The following VWF variants were observed in gnomAD, a reference collection of about 807,000 sequenced individuals.
VWF encodes the protein Factor VIII related antigen.
VWF carries 176 observed loss-of-function variants against 308.6 expected under a neutral mutation model. The ratio of observed to expected loss-of-function variants is 0.57; its 90% CI spans 0.50 to 0.65. VWF has a LOEUF of 0.65. Among genes scored for constraint, VWF ranks in the 30% least tolerant of loss-of-function variants. VWF has a pLI of 0.00. For synonymous variants in VWF, 1,385 were observed against 1,443.4 expected (o/e 0.96, Z 0.92); for missense variants, 3,146 against 3,648.2 (o/e 0.86, Z 3.55).
Position 6,019,773 on chromosome 12 carries a change from G to C in VWF, c.3675-30C>G. ...AGAAAAGAGCGAAGAAATTAAAATGGTTCAGGAAGAACCTGTGGACACTTC... is the reference window on the plus strand; with the variant it reads ...AGAAAAGAGCGAAGAAATTAAAATGCTTCAGGAAGAACCTGTGGACACTTC... On this transcript the variant is annotated intron_variant, in intron 27 of 51. Coordinates refer to ENST00000261405, the MANE Select transcript of VWF (RefSeq NM_000552.5). This position sits in a 1 kb window ranked among gnomAD's most constrained non-coding sequence, Gnocchi z 5.8. 1.3e-6 allele frequency: 2 copies of C among 1,589,124 alleles called. No individual in the cohort carries two copies. The highest frequency in any genetic ancestry group is 2.3e-5 in the South Asian group (2 of 88,366).
At position 5,983,207 on chromosome 12, in the gene VWF, G is replaced by A. The variant is rs142612858; in HGVS notation, c.7024C>T (p.Arg2342Cys). The A allele has an allele frequency of 1.3e-5, 21 of 1,613,988 alleles. No homozygotes were observed. The highest frequency in any genetic ancestry group is 4.5e-5 in the East Asian group (2 of 44,902). ...CDLPPVPHCERGLQPTLTNPG... is the reference protein window; with the variant it reads ...CDLPPVPHCECGLQPTLTNPG... ...TTGGTCAGTGTGGGCTGGAGGCCACGTTCACAGTGAGGCACTGGGGGCAGG... is the reference window on the plus strand; with the variant it reads ...TTGGTCAGTGTGGGCTGGAGGCCACATTCACAGTGAGGCACTGGGGGCAGG... The change falls in exon 41 of 52, where the codon CGT (arginine) becomes TGT (cysteine). Residue 2342 changes from arginine to cysteine, a missense_variant. Around this residue, in one of 3 missense-constraint regions of VWF, gnomAD observed 989 missense variants for 1,117.4 expected, o/e 0.89. Transcript: ENST00000261405.
At position 6,060,415 on chromosome 12, in the gene VWF, T is replaced by C. The variant is rs561772422; in HGVS notation, c.1534-2371A>G. Among the ~76,000 whole-genome samples the C allele has an allele frequency of 2.0e-5, 3 of 152,032 alleles. No homozygotes were observed. In the East Asian group the frequency reaches 5.9e-4, roughly 30 times the overall value. On this transcript the variant is annotated intron_variant, in intron 13 of 51. Coordinates refer to ENST00000261405, the MANE Select transcript of VWF (RefSeq NM_000552.5). This position sits in a 1 kb window ranked among gnomAD's most constrained non-coding sequence, Gnocchi z 5.1. Reference sequence around the variant, plus strand: ...TAGCTGCACCTCCTCTTGCACCGCCTCTGCCCCAGCTGGCCTCCCTCCAGC... The same window carrying C: ...TAGCTGCACCTCCTCTTGCACCGCCCCTGCCCCAGCTGGCCTCCCTCCAGC...
At chr12:6,112,728 C>A (rs1466744521) in intron 3 of VWF, among the ~76,000 whole-genome samples, 1 of 152,008 alleles carries the variant, frequency 6.6e-6, no homozygotes, top group Non-Finnish European at 1.5e-5. Flanking sequence ...GGAGCTGGGG[C>A]AGAGGTCTCC....
chr12:6,048,436 G>C (rs980116034), intron 16 of VWF, among the ~76,000 whole-genome samples: 3 of 151,986 alleles, frequency 2.0e-5, no homozygotes, highest in Non-Finnish European at 4.4e-5. Flanking sequence ...ACAGTGCTGG[G>C]ATTACAGGCG....
chr12:6,034,909 C>T (rs1307339927), intron 19 of VWF, 83 bp from the exon 20 acceptor site: 6 of 1,558,448 alleles, frequency 3.8e-6, no homozygotes, highest in East Asian at 2.3e-5. Flanking sequence ...AATGAAGGAA[C>T]ACAGAATACT....
chr12:6,012,525 G>A (rs952831343), intron 32 of VWF, among the ~76,000 whole-genome samples: 1 of 152,206 alleles, frequency 6.6e-6, no homozygotes, highest in African/African-American at 2.4e-5. Flanking sequence ...TACAGCTAAT[G>A]TTATTAGCTA....
At chr12:6,111,725 T>A (rs1381104541) in intron 3 of VWF, among the ~76,000 whole-genome samples, 1 of 149,534 alleles carries the variant, frequency 6.7e-6, no homozygotes, top group African/African-American at 2.5e-5. Context: ...CTGAGGCGGG[T>A]GGATCACGAG....
Position 5,952,529 on chromosome 12 carries a change from A to T in VWF, c.7987-10T>A. On this transcript the variant is annotated splice_polypyrimidine_tract_variant and intron_variant, in intron 48 of 51. Coordinates refer to ENST00000261405, the MANE Select transcript of VWF (RefSeq NM_000552.5). ...GGAGCGTCTCATCACGCTGGAAGGA[A>T]AGAGGAGTGGGTAAAGTCAGAGACA... 1 of 1,613,022 alleles carries T rather than the reference A, an allele frequency of 6.2e-7. No individual in the cohort carries two copies. The highest frequency in any genetic ancestry group is 8.5e-7 in the Non-Finnish European group (1 of 1,179,322).
At chr12:5,983,825 G>GATAGATA (rs1943641466) in intron 40 of VWF, among the ~76,000 whole-genome samples, 1 of 72,292 alleles carries the variant, frequency 1.4e-5, no homozygotes, top group Non-Finnish European at 3.1e-5. Flanking sequence ...AGATGATAGA[G>GATAGATA]GATAGATGAT....
At chr12:5,991,165 T>TCACA (rs1491373493) in intron 38 of VWF, among the ~76,000 whole-genome samples, 8 of 88,312 alleles carry the variant, frequency 9.1e-5, no homozygotes, top group African/African-American at 3.3e-4. Context: ...CCCAAGGGAT[T>TCACA]CTCACACACA....
At chr12:6,095,291 G>C in intron 6 of VWF, 169 bp downstream of exon 6, 1 of 1,058,554 alleles carries the variant, frequency 9.4e-7, no homozygotes, top group Non-Finnish European at 1.4e-6. Context: ...TAGAGCTTCA[G>C]GCTCGAGATG....
chr12:6,055,031 T>A (rs181431867), intron 15 of VWF, among the ~76,000 whole-genome samples: 4 of 152,066 alleles, frequency 2.6e-5, no homozygotes, highest in Admixed American at 6.5e-5. Flanking sequence ...TCCTTAACAG[T>A]CTCCAGGGAA....
intron 34 of VWF, among the ~76,000 whole-genome samples, chr12:6,001,276 C>T (rs985587396): frequency 6.6e-6 from 1 of 151,876 alleles, no homozygotes; most frequent in African/African-American, 2.4e-5. Context: ...AATATAATGA[C>T]GAAAGAAGAT....
At chr12:6,085,704 G>T (rs561948940) in intron 6 of VWF, among the ~76,000 whole-genome samples, 1 of 147,372 alleles carries the variant, frequency 6.8e-6, no homozygotes, top group Non-Finnish European at 1.5e-5. Flanking sequence ...CACACACCAC[G>T]GCCTGTGGGC....
intron 6 of VWF, among the ~76,000 whole-genome samples, chr12:6,088,211 G>A (rs1452337975): frequency 4.6e-5 from 7 of 150,772 alleles, no homozygotes; most frequent in Admixed American, 4.6e-4. Context: ...GGGCGCGGTG[G>A]CTCACGCCTG....
At chr12:5,953,171 G>A (rs1263317589) in intron 48 of VWF, among the ~76,000 whole-genome samples, 1 of 151,902 alleles carries the variant, frequency 6.6e-6, no homozygotes, top group Non-Finnish European at 1.5e-5. Context: ...AGGTTGCAGT[G>A]AGCCGAGATC....
rs139940975 is a variant in VWF at position 5,977,774 on chromosome 12, G to T, written c.7288-1514C>A. Among the ~76,000 whole-genome samples the T allele has an allele frequency of 2.0e-4, 30 of 151,730 alleles. No homozygotes were observed. The East Asian group carries it at 5.8e-3, about 29-fold the overall frequency. On this transcript the variant is annotated intron_variant, in intron 42 of 51. Transcript: ENST00000261405. Reference sequence around the variant, plus strand: ...TAGTTCCAGCTACTCAGGAGGCTGAGGGGGAGGATCGTCTGAGCCTAGGGG... The same window carrying T: ...TAGTTCCAGCTACTCAGGAGGCTGATGGGGAGGATCGTCTGAGCCTAGGGG...
At chr12:5,974,244 T>C (rs1943508622) in intron 43 of VWF, among the ~76,000 whole-genome samples, 1 of 152,102 alleles carries the variant, frequency 6.6e-6, no homozygotes, top group Admixed American at 6.6e-5. Context: ...CTCAACACAG[T>C]ACAGATCGAA....
chr12:5,971,588 C>T lies in VWF; in HGVS notation c.7548+11G>A, dbSNP rs745353450. 8.7e-6 allele frequency: 14 copies of T among 1,611,722 alleles called. No homozygotes were observed. Among genetic ancestry groups the T allele is most frequent in the South Asian group, 4.4e-5 (4 of 91,046 alleles). ...TCTGCCCTCCTCCCCGTCCCGGGGG[C>T]CTGGACCTACACTCTTCCAGGAAGA... On this transcript the variant is annotated intron_variant, in intron 44 of 51. Coordinates refer to ENST00000261405, the MANE Select transcript of VWF (RefSeq NM_000552.5).
Sources: gnomAD v4.1 joint callset for allele counts (sites outside exome capture counted in the v4.1 genomes callset) on GRCh38, gnomAD v4.1.1 for gene constraint, gnomAD v4.1.1 regional missense constraint, Gnocchi (gnomAD v3.1) non-coding constraint, MANE v1.5 for transcripts, NCBI Gene and HGNC (gene_info 2026-07-23, HGNC 2026-07-21) for gene names.